The following EPB41L4A variants were observed in gnomAD, a reference collection of about 807,000 sequenced individuals.
The protein encoded by EPB41L4A is band 4.1-like protein 4A.
EPB41L4A carries 100 observed loss-of-function variants against 108.6 expected under a neutral mutation model. The observed-to-expected ratio is 0.92, with a 90% CI of 0.78 to 1.09. EPB41L4A has a LOEUF of 1.09. Among genes scored for constraint, EPB41L4A ranks in the 50% least tolerant of loss-of-function variants. EPB41L4A has a pLI of 0.00. For synonymous variants in EPB41L4A, 319 were observed against 289.0 expected (o/e 1.10, Z -1.05); for missense variants, 1,030 against 842.7 (o/e 1.22, Z -2.75).
intron 18 of EPB41L4A, among the ~76,000 whole-genome samples, chr5:112,178,949 T>C (rs376355460): frequency 4.6e-5 from 7 of 151,120 alleles, no homozygotes; most frequent in African/African-American, 1.7e-4. Flanking sequence ...AAATCTAAAA[T>C]TGGTTCTCTG....
rs545140049 is a variant in EPB41L4A, at chr5:112,308,327, G to A, written c.100-837C>T. On this transcript the variant is annotated intron_variant, in intron 1 of 22. Coordinates refer to ENST00000261486, the MANE Select transcript of EPB41L4A (RefSeq NM_022140.5). ...GGTAATAAAGGAGGGCTTTTGTTCA[G>A]TTTCATCTTCCCTCAGAAAATTGCC... 2.0e-4 allele frequency among the ~76,000 whole-genome samples: 30 copies of A among 152,210 alleles called. No individual in the cohort carries two copies. The South Asian group carries it at 6.2e-3, about 32-fold the overall frequency.
chr5:112,303,719 G>C (rs1169394270), intron 2 of EPB41L4A, among the ~76,000 whole-genome samples: 1 of 152,138 alleles, frequency 6.6e-6, no homozygotes, highest in Non-Finnish European at 1.5e-5. Flanking sequence ...GGCAAGGCAG[G>C]GCCAGTTTCA....
At chr5:112,215,771 A>AAC (rs1554079190) in intron 12 of EPB41L4A, among the ~76,000 whole-genome samples, 6 of 147,140 alleles carry the variant, frequency 4.1e-5, no homozygotes, top group South Asian at 2.1e-4. Flanking sequence ...TCAAAAAAAA[A>AAC]AAAAAACAAA....
At chr5:112,204,558 C>G in intron 14 of EPB41L4A, 70 bp from the exon 15 acceptor site, 1 of 983,146 alleles carries the variant, frequency 1.0e-6, no homozygotes, top group South Asian at 1.3e-5. Flanking sequence ...GCAGCCCAGA[C>G]CTATTCATAA....
intron 11 of EPB41L4A, among the ~76,000 whole-genome samples, chr5:112,235,945 T>C (rs7732687): frequency 0.72 from 108,886 of 152,022 alleles, 41,495 homozygotes; most frequent in Non-Finnish European, 0.84. Flanking sequence ...CAGGATAACA[T>C]AGATTTCCAA....
chr5:112,358,560 T>A (rs1309332414), intron 1 of EPB41L4A, among the ~76,000 whole-genome samples: 2 of 152,160 alleles, frequency 1.3e-5, no homozygotes, highest in African/African-American at 4.8e-5. Context: ...TGATACTGAG[T>A]AATGGCAAGG....
intron 1 of EPB41L4A, among the ~76,000 whole-genome samples, chr5:112,416,888 C>T (rs1043207770): frequency 2.6e-4 from 40 of 152,100 alleles, no homozygotes; most frequent in Non-Finnish European, 4.1e-4. Flanking sequence ...TTAGTACACG[C>T]CAAGGGTGGG....
chr5:112,167,443 TCG>T (rs1482091274), intron 22 of EPB41L4A, among the ~76,000 whole-genome samples: 1 of 152,220 alleles, frequency 6.6e-6, no homozygotes, highest in Admixed American at 6.5e-5. Flanking sequence ...ACCATGCAGA[TCG>T]CCATTCTAGA....
intron 7 of EPB41L4A, among the ~76,000 whole-genome samples, chr5:112,260,940 C>A (rs1224936576): frequency 6.6e-6 from 1 of 152,146 alleles, no homozygotes; most frequent in Non-Finnish European, 1.5e-5. Context: ...GCTCATTTGC[C>A]ATAAATTTCT....
chr5:112,213,529 A>G (rs1258468623), intron 12 of EPB41L4A, among the ~76,000 whole-genome samples: 1 of 151,964 alleles, frequency 6.6e-6, no homozygotes, highest in Non-Finnish European at 1.5e-5. Flanking sequence ...TTGTATTTTT[A>G]GTAGAGATGG....
intron 10 of EPB41L4A, among the ~76,000 whole-genome samples, chr5:112,240,509 T>C (rs1267113334): frequency 1.3e-5 from 2 of 152,190 alleles, no homozygotes; most frequent in African/African-American, 4.8e-5. Context: ...TATAACTGTA[T>C]CTATGTGTAT....
chr5:112,170,609 C>T (rs1353654954), intron 19 of EPB41L4A, among the ~76,000 whole-genome samples: 1 of 152,220 alleles, frequency 6.6e-6, no homozygotes. Context: ...TTCCCCATTT[C>T]CCTATAAAAG....
intron 1 of EPB41L4A, among the ~76,000 whole-genome samples, chr5:112,351,675 CAG>C (rs1236974245): frequency 4.0e-5 from 6 of 151,880 alleles, no homozygotes; most frequent in Non-Finnish European, 4.4e-5. Context: ...AAGAGAGAGA[CAG>C]AGAGAGACAG....
chr5:112,391,300 A>G (rs976192430), intron 1 of EPB41L4A, among the ~76,000 whole-genome samples: 64 of 152,270 alleles, frequency 4.2e-4, no homozygotes, highest in African/African-American at 1.4e-3. Flanking sequence ...AGTTCCTTGC[A>G]AACCCATCGC....
chr5:112,278,689 A>G (rs1474518916), intron 3 of EPB41L4A, among the ~76,000 whole-genome samples: 1 of 152,120 alleles, frequency 6.6e-6, no homozygotes, highest in African/African-American at 2.4e-5. Context: ...TGCACCTTAA[A>G]ATAATTAACA....
At chr5:112,256,510 A>C (rs1451592092) in intron 9 of EPB41L4A, among the ~76,000 whole-genome samples, 1 of 152,212 alleles carries the variant, frequency 6.6e-6, no homozygotes, top group African/African-American at 2.4e-5. Context: ...TATGAGATAA[A>C]TAAAATTCCA....
chr5:112,377,138 A>G (rs1289737515), intron 1 of EPB41L4A, among the ~76,000 whole-genome samples: 1 of 151,948 alleles, frequency 6.6e-6, no homozygotes, highest in Non-Finnish European at 1.5e-5. Flanking sequence ...CGTGGGGGTC[A>G]AGGCTGCAAT....
intron 9 of EPB41L4A, among the ~76,000 whole-genome samples, chr5:112,248,057 T>C (rs2150401863): frequency 6.6e-6 from 1 of 152,308 alleles, no homozygotes; most frequent in South Asian, 2.1e-4. Context: ...CAAGTACAAA[T>C]GACAAGTATG....
At chr5:112,386,464 C>T (rs1195712309) in intron 1 of EPB41L4A, among the ~76,000 whole-genome samples, 1 of 151,998 alleles carries the variant, frequency 6.6e-6, no homozygotes, top group East Asian at 1.9e-4. Context: ...TTCTAATTTC[C>T]TCTACATGGC....
Sources: allele counts gnomAD v4.1 joint callset (sites outside exome capture counted in the v4.1 genomes callset), GRCh38; gene constraint gnomAD v4.1.1; transcripts MANE v1.5; gene names NCBI Gene and HGNC (gene_info 2026-07-23, HGNC 2026-07-21).